MOB3B: variants seen among roughly 807,000 people sequenced by gnomAD.
MOB3B encodes the protein MOB kinase activator 3B.
A neutral mutation model predicts 18.7 loss-of-function variants in MOB3B; 7 were observed. The observed-to-expected ratio is 0.37, with a 90% CI of 0.21 to 0.70. The LOEUF (loss-of-function observed/expected upper bound fraction) is 0.70, where lower values mean the gene tolerates loss of function less well. Among genes scored for constraint, MOB3B ranks in the 30% least tolerant of loss-of-function variants. The probability of loss-of-function intolerance (pLI) is 0.52; values close to 1 mark genes in which losing one functional copy is unlikely to be tolerated. For synonymous variants in MOB3B, 111 were observed against 99.9 expected, an observed-to-expected ratio of 1.11 and a Z score of -0.66; for missense variants, 253 against 281.3, an observed-to-expected ratio of 0.90 and a Z score of 0.72.
chr9:27,332,685 T>C (rs1820806112), intron 3 of MOB3B, among the ~76,000 whole-genome samples: 1 of 152,220 alleles, frequency 6.6e-6, no homozygotes, highest in African/African-American at 2.4e-5. Flanking sequence ...AGAGGCCTGC[T>C]GTTTGCCAGT....
At chr9:27,493,475 C>A (rs191110045) in intron 1 of MOB3B, among the ~76,000 whole-genome samples, 1 of 152,038 alleles carries the variant, frequency 6.6e-6, no homozygotes, top group Non-Finnish European at 1.5e-5. Flanking sequence ...CCTGTCTCTA[C>A]TAAAAATACA....
chr9:27,503,481 G>A (rs1820017606), intron 1 of MOB3B, among the ~76,000 whole-genome samples: 1 of 152,318 alleles, frequency 6.6e-6, no homozygotes, highest in South Asian at 2.1e-4. Context: ...GGGAAGGAGA[G>A]GTGGCCACTG....
At chr9:27,495,241 G>A (rs938813991) in intron 1 of MOB3B, among the ~76,000 whole-genome samples, 1 of 152,042 alleles carries the variant, frequency 6.6e-6, no homozygotes, top group Non-Finnish European at 1.5e-5. Flanking sequence ...TGAGGCAGAA[G>A]GATCACTTGA....
At chr9:27,415,545 G>A (rs558478294) in intron 2 of MOB3B, among the ~76,000 whole-genome samples, 9 of 151,880 alleles carry the variant, frequency 5.9e-5, no homozygotes, top group African/African-American at 2.2e-4. Flanking sequence ...GTTCTTTCCC[G>A]TAAAAAAATT....
chr9:27,464,630 T>C (rs1417903828), intron 1 of MOB3B, among the ~76,000 whole-genome samples: 1 of 152,224 alleles, frequency 6.6e-6, no homozygotes, highest in African/African-American at 2.4e-5. Context: ...GTTTAAAAAG[T>C]TATTTTTTAT....
chr9:27,408,026 G>T (rs543788818), intron 2 of MOB3B, among the ~76,000 whole-genome samples: 160 of 152,156 alleles, frequency 1.1e-3, no homozygotes, highest in African/African-American at 3.8e-3. Context: ...ACTGTTTCTG[G>T]CCACTGAGCC....
chr9:27,392,983 G>A (rs1821748008), intron 2 of MOB3B, among the ~76,000 whole-genome samples: 1 of 152,204 alleles, frequency 6.6e-6, no homozygotes, highest in African/African-American at 2.4e-5. Flanking sequence ...GAGACAAAGT[G>A]TTGCTTGAGA....
intron 1 of MOB3B, among the ~76,000 whole-genome samples, chr9:27,495,952 A>G (rs1460199610): frequency 6.6e-6 from 1 of 152,232 alleles, no homozygotes; most frequent in African/African-American, 2.4e-5. Flanking sequence ...AGTTCCCAGC[A>G]TATCACTAGG....
intron 2 of MOB3B, among the ~76,000 whole-genome samples, chr9:27,417,302 T>C (rs1442869391): frequency 1.3e-5 from 2 of 152,170 alleles, no homozygotes; most frequent in Non-Finnish European, 2.9e-5. Context: ...AGGCGGAGCT[T>C]GCAGTGAGCC....
At chr9:27,426,569 C>G (rs1485964217) in intron 2 of MOB3B, among the ~76,000 whole-genome samples, 2 of 152,196 alleles carry the variant, frequency 1.3e-5, no homozygotes, top group Non-Finnish European at 2.9e-5. Context: ...CGCTCCAGAG[C>G]GTCATGGCCA....
At chr9:27,451,356 A>G (rs1358883333) in intron 2 of MOB3B, among the ~76,000 whole-genome samples, 1 of 152,220 alleles carries the variant, frequency 6.6e-6, no homozygotes. Context: ...GTTTGTAATA[A>G]AAGAAGCCAG....
intron 2 of MOB3B, among the ~76,000 whole-genome samples, chr9:27,416,228 G>A (rs914963947): frequency 2.0e-5 from 3 of 151,914 alleles, no homozygotes; most frequent in South Asian, 2.1e-4. Context: ...TGATCTCGTA[G>A]GACCTCATAC....
intron 2 of MOB3B, among the ~76,000 whole-genome samples, chr9:27,403,323 A>G (rs920570502): frequency 2.6e-5 from 4 of 152,216 alleles, no homozygotes; most frequent in African/African-American, 9.6e-5. Flanking sequence ...AAGGAGAAAC[A>G]AAGTATGAAA....
chr9:27,338,654 G>T (rs1190594999), intron 3 of MOB3B, among the ~76,000 whole-genome samples: 6 of 152,226 alleles, frequency 3.9e-5, no homozygotes, highest in Non-Finnish European at 4.4e-5. Flanking sequence ...ACCGTAGAAG[G>T]TGGGAACAAC....
intron 2 of MOB3B, among the ~76,000 whole-genome samples, chr9:27,450,164 G>T (rs760372833): frequency 5.3e-5 from 8 of 152,006 alleles, no homozygotes; most frequent in Admixed American, 1.3e-4. Context: ...GTTACCAAAG[G>T]GATGCAACTA....
intron 1 of MOB3B, among the ~76,000 whole-genome samples, chr9:27,510,902 T>G (rs1313183973): frequency 6.6e-6 from 1 of 152,188 alleles, no homozygotes; most frequent in Non-Finnish European, 1.5e-5. Context: ...TCTTGCCTCT[T>G]CTCACAGGGG....
At chr9:27,365,045 T>C (rs541469155) in intron 2 of MOB3B, among the ~76,000 whole-genome samples, 1 of 151,830 alleles carries the variant, frequency 6.6e-6, no homozygotes, top group African/African-American at 2.4e-5. Flanking sequence ...ATTCCACCTT[T>C]GAAAGCACCT....
intron 2 of MOB3B, among the ~76,000 whole-genome samples, chr9:27,408,315 G>T (rs186172221): frequency 6.6e-6 from 1 of 152,094 alleles, no homozygotes; most frequent in Non-Finnish European, 1.5e-5. Context: ...AAAAATTTCC[G>T]CTTCCTCAGA....
At chr9:27,375,342 A>G (rs41272863) in intron 2 of MOB3B, among the ~76,000 whole-genome samples, 1 of 152,214 alleles carries the variant, frequency 6.6e-6, no homozygotes. Context: ...ACGGAATCCC[A>G]GGGAGCATGA....
Sources: allele counts gnomAD v4.1 joint callset (sites outside exome capture counted in the v4.1 genomes callset), GRCh38; gene constraint gnomAD v4.1.1; transcripts MANE v1.5; gene names NCBI Gene and HGNC (gene_info 2026-07-23, HGNC 2026-07-21).